VDAC2: variants seen among roughly 807,000 people sequenced by gnomAD.
The protein encoded by VDAC2 is non-selective voltage-gated ion channel VDAC2.
Under a neutral mutation model 36.6 loss-of-function variants are expected in VDAC2, and 6 were observed. The observed-to-expected ratio is 0.16, with a 90% CI of 0.09 to 0.32. The LOEUF (loss-of-function observed/expected upper bound fraction) is 0.32, where lower values mean the gene tolerates loss of function less well. Ranked by LOEUF, VDAC2 falls within the 10% of genes least tolerant of loss-of-function variation. VDAC2 has a pLI of 1.00. For missense variants in VDAC2, 247 were observed against 346.0 expected, an observed-to-expected ratio of 0.71 and a Z score of 2.27; for synonymous variants, 109 against 123.8, an observed-to-expected ratio of 0.88 and a Z score of 0.79.
Position 75,214,086 on chromosome 10 carries a change from G to T in VDAC2, c.150+16G>T. On this transcript the variant is annotated intron_variant, in intron 4 of 9. Transcript: ENST00000332211. ...CAGTGGCGTGGTGAGTGTTACTGTT[G>T]AATAAGTTCTATTGAACCTTTATAA... The T allele has an allele frequency of 6.2e-7, 1 of 1,611,346 alleles. No homozygotes were observed. The highest frequency in any genetic ancestry group is 1.1e-5 in the South Asian group (1 of 90,842).
chr10:75,219,016 T>A, intron 4 of VDAC2, 47 bp from the exon 5 acceptor site: 1 of 1,580,130 alleles, frequency 6.3e-7, no homozygotes, highest in Non-Finnish European at 8.6e-7. Context: ...CAGTGATGAA[T>A]TCTAGGCTTA....
intron 3 of VDAC2, among the ~76,000 whole-genome samples, chr10:75,213,402 A>C (rs970869635): frequency 6.6e-6 from 1 of 152,154 alleles, no homozygotes; most frequent in African/African-American, 2.4e-5. Flanking sequence ...GTTATTAGCT[A>C]TTCTGAAATT....
intron 8 of VDAC2, among the ~76,000 whole-genome samples, chr10:75,224,171 G>C (rs1351499199): frequency 6.6e-6 from 1 of 152,202 alleles, no homozygotes; most frequent in Non-Finnish European, 1.5e-5. Context: ...GGGCAGTCTT[G>C]TGGGACTAAG....
At chr10:75,212,449 G>C in intron 3 of VDAC2, 151 bp downstream of exon 3, 2 of 725,722 alleles carry the variant, frequency 2.8e-6, no homozygotes, top group South Asian at 3.7e-5. Flanking sequence ...GTCTCCCTCT[G>C]TTGCCCAGGC....
chr10:75,220,125 C>A (rs1347991785), intron 6 of VDAC2, among the ~76,000 whole-genome samples: 1 of 148,818 alleles, frequency 6.7e-6, no homozygotes, highest in East Asian at 2.0e-4. Context: ...CGCTCGCAGC[C>A]TGTTTGTTTA....
At chr10:75,223,245 T>C (rs750756754) in intron 8 of VDAC2, among the ~76,000 whole-genome samples, 2 of 152,162 alleles carry the variant, frequency 1.3e-5, no homozygotes, top group Non-Finnish European at 2.9e-5. Context: ...CCCAAAGTGC[T>C]GGGATTACAG....
intron 8 of VDAC2, among the ~76,000 whole-genome samples, chr10:75,223,711 C>T (rs1841882983): frequency 6.6e-6 from 1 of 152,164 alleles, no homozygotes; most frequent in African/African-American, 2.4e-5. Flanking sequence ...GGCTGGCCAC[C>T]TTTAGGTAGC....
At chr10:75,229,980 T>G (rs1315653191) in intron 9 of VDAC2, among the ~76,000 whole-genome samples, 1 of 152,152 alleles carries the variant, frequency 6.6e-6, no homozygotes, top group African/African-American at 2.4e-5. Flanking sequence ...TAGTGATTCC[T>G]TATTATTTAA....
At chr10:75,220,144 C>T (rs1313996404) in intron 6 of VDAC2, among the ~76,000 whole-genome samples, 2 of 150,920 alleles carry the variant, frequency 1.3e-5, no homozygotes, top group South Asian at 2.1e-4. Context: ...TATTCTCTGT[C>T]ACCCAGGCTG....
chr10:75,214,491 T>C (rs1841536137), intron 4 of VDAC2, among the ~76,000 whole-genome samples: 1 of 152,232 alleles, frequency 6.6e-6, no homozygotes. Context: ...GGAGAAGATT[T>C]CCACATGTAT....
intron 8 of VDAC2, 148 bp downstream of exon 8, chr10:75,222,550 G>A: frequency 8.8e-7 from 1 of 1,133,286 alleles, no homozygotes. Context: ...GCGCTTTTTT[G>A]ATGGATACAG....
intron 8 of VDAC2, among the ~76,000 whole-genome samples, chr10:75,226,118 A>G (rs558704225): frequency 9.1e-4 from 139 of 152,068 alleles, no homozygotes; most frequent in Admixed American, 3.6e-3. Context: ...ACCTATCCCT[A>G]TCCCACAGTA....
rs141343154 is a variant in VDAC2 at position 75,217,146 on chromosome 10, A to G, written c.151-1917A>G. Among the ~76,000 whole-genome samples, 122 of 152,092 alleles carry G rather than the reference A, an allele frequency of 8.0e-4. 1 individual carries two copies. The highest frequency in any genetic ancestry group is 3.4e-3 in the Middle Eastern group (1 of 294). The stretch of plus-strand genomic sequence containing the variant: ...TTGGTGGGTACCTGAAGTCCCAGCT[A>G]CTTGGGAGGCTGAGATAGGAGGATC... On this transcript the variant is annotated intron_variant, in intron 4 of 9. Transcript: ENST00000332211.
At chr10:75,215,503 C>A (rs185075486) in intron 4 of VDAC2, among the ~76,000 whole-genome samples, 19 of 151,252 alleles carry the variant, frequency 1.3e-4, no homozygotes, top group Admixed American at 8.6e-4. Context: ...AGACACGGGC[C>A]ACCACGCCCA....
intron 8 of VDAC2, among the ~76,000 whole-genome samples, chr10:75,224,609 A>C (rs1410454693): frequency 6.6e-6 from 1 of 152,162 alleles, no homozygotes; most frequent in Non-Finnish European, 1.5e-5. Flanking sequence ...AAGGAAACGC[A>C]AACAATAAGA....
Position 75,214,433 on chromosome 10 carries a change from G to C in VDAC2, c.150+363G>C, listed in dbSNP as rs1267208404. 2.0e-5 allele frequency among the ~76,000 whole-genome samples: 3 copies of C among 152,316 alleles called. No individual in the cohort carries two copies. In the East Asian group the frequency reaches 5.8e-4, roughly 29 times the overall value. On this transcript the variant is annotated intron_variant, in intron 4 of 9. Transcript: ENST00000332211. The stretch of plus-strand genomic sequence containing the variant: ...AAAAATATCAGGAACTCATTAATTT[G>C]AGTGTACTAATCATTTATATAATGT...
At chr10:75,221,010 C>G (rs1292067259) in intron 7 of VDAC2, 40 bp downstream of exon 7, 1 of 1,569,918 alleles carries the variant, frequency 6.4e-7, no homozygotes, top group Non-Finnish European at 8.7e-7. Context: ...TGTGGGCCCT[C>G]AGAGGATGAT....
chr10:75,215,739 T>G (rs114792210), intron 4 of VDAC2, among the ~76,000 whole-genome samples: 1,500 of 147,062 alleles, frequency 0.01, 27 homozygotes, highest in African/African-American at 0.035. Context: ...TTTTTTCCTC[T>G]GAGACGCAGT....
intron 6 of VDAC2, 71 bp from the exon 7 acceptor site, chr10:75,220,672 C>A: frequency 7.5e-7 from 1 of 1,333,572 alleles, no homozygotes; most frequent in Non-Finnish European, 1.0e-6. Flanking sequence ...TTATTTAAGT[C>A]TGTTTTGTGC....
Sources: allele counts gnomAD v4.1 joint callset (sites outside exome capture counted in the v4.1 genomes callset), GRCh38; gene constraint gnomAD v4.1.1; transcripts MANE v1.5; gene names NCBI Gene and HGNC (gene_info 2026-07-23, HGNC 2026-07-21).